The following GPR15LG variants were observed in gnomAD, a reference collection of about 807,000 sequenced individuals.
GPR15LG encodes the protein G protein-coupled receptor 15 ligand.
chr10:84,184,883 C>T, the GPR15LG span: 4 of 1,516,554 alleles, frequency 2.6e-6, no homozygotes, highest in Non-Finnish European at 3.5e-6. Flanking sequence ...TGTTGGAGGG[C>T]TTCATCTCGG....
chr10:84,184,052 G>A, the GPR15LG span, among the ~76,000 whole-genome samples: 2 of 151,672 alleles, frequency 1.3e-5, no homozygotes, highest in East Asian at 3.9e-4. Flanking sequence ...AGGCATGGTG[G>A]CTCATGCCTG....
the GPR15LG span, among the ~76,000 whole-genome samples, chr10:84,178,658 C>T: frequency 2.6e-5 from 4 of 151,782 alleles, no homozygotes; most frequent in Non-Finnish European, 5.9e-5. Flanking sequence ...AGATATACAC[C>T]CAAGCACACA....
chr10:84,177,770 G>A, the GPR15LG span, among the ~76,000 whole-genome samples: 8 of 152,202 alleles, frequency 5.3e-5, no homozygotes, highest in African/African-American at 1.7e-4. Flanking sequence ...CGCAGGCTGT[G>A]GCTCTGCTCC....
At chr10:84,182,041 T>G in the GPR15LG span, among the ~76,000 whole-genome samples, 1 of 152,336 alleles carries the variant, frequency 6.6e-6, no homozygotes, top group South Asian at 2.1e-4. Flanking sequence ...GCAAAATGGC[T>G]GAGCCCATAG....
chr10:84,175,108 T>C, the GPR15LG span, among the ~76,000 whole-genome samples: 4 of 152,230 alleles, frequency 2.6e-5, no homozygotes, highest in Non-Finnish European at 4.4e-5. Context: ...ATGCTTATGA[T>C]TGAAGATATT....
the GPR15LG span, chr10:84,173,993 T>C: frequency 5.7e-6 from 7 of 1,234,496 alleles, no homozygotes; most frequent in Admixed American, 1.7e-5. Flanking sequence ...TCAGGATTTG[T>C]TGGAGGGCAG....
the GPR15LG span, among the ~76,000 whole-genome samples, chr10:84,177,815 C>A: frequency 1.3e-5 from 2 of 152,178 alleles, no homozygotes; most frequent in African/African-American, 4.8e-5. Context: ...AAGGTGAAAA[C>A]CTTCCAGAGA....
the GPR15LG span, among the ~76,000 whole-genome samples, chr10:84,182,647 AG>A: frequency 6.6e-6 from 1 of 152,238 alleles, no homozygotes; most frequent in Non-Finnish European, 1.5e-5. Context: ...CTTGAGGTAC[AG>A]GCTCTGAGCT....
chr10:84,176,404 T>C, the GPR15LG span: 245,219 of 1,017,054 alleles, frequency 0.24, 31,800 homozygotes, highest in Non-Finnish European at 0.27. Context: ...TCCTGAGCCC[T>C]GTGCCTTGGA....
the GPR15LG span, among the ~76,000 whole-genome samples, chr10:84,177,481 T>C: frequency 2.6e-5 from 4 of 152,216 alleles, no homozygotes; most frequent in Non-Finnish European, 4.4e-5. Flanking sequence ...CGGCCCCACT[T>C]GCTCCTCTGC....
At chr10:84,177,478 A>G in the GPR15LG span, among the ~76,000 whole-genome samples, 2 of 152,174 alleles carry the variant, frequency 1.3e-5, no homozygotes, top group African/African-American at 2.4e-5. Flanking sequence ...TCCCGGCCCC[A>G]CTTGCTCCTC....
At chr10:84,174,769 C>A in the GPR15LG span, among the ~76,000 whole-genome samples, 1 of 152,272 alleles carries the variant, frequency 6.6e-6, no homozygotes, top group African/African-American at 2.4e-5. Flanking sequence ...GGATTACAGG[C>A]GTGAGCCACC....
At chr10:84,185,139 T>G in the GPR15LG span, 1 of 1,027,588 alleles carries the variant, frequency 9.7e-7, no homozygotes, top group Non-Finnish European at 1.2e-6. Context: ...CTGCAGAGTC[T>G]CCTCCATCTT....
the GPR15LG span, chr10:84,173,864 G>A: frequency 6.2e-7 from 1 of 1,613,672 alleles, no homozygotes; most frequent in Non-Finnish European, 8.5e-7. Flanking sequence ...GAGGCTTCTA[G>A]TCCTTTCCAG....
the GPR15LG span, among the ~76,000 whole-genome samples, chr10:84,182,777 G>A: frequency 4.6e-5 from 7 of 152,102 alleles, no homozygotes; most frequent in African/African-American, 1.7e-4. Flanking sequence ...AAGGAGAGAG[G>A]GAGAATTGCA....
chr10:84,173,845 T>C, the GPR15LG span: 3 of 1,610,104 alleles, frequency 1.9e-6, no homozygotes, highest in Non-Finnish European at 2.6e-6. Context: ...AAATCTGCCT[T>C]CTCACCATGA....
chr10:84,175,574 G>T, the GPR15LG span, among the ~76,000 whole-genome samples: 1 of 152,206 alleles, frequency 6.6e-6, no homozygotes, highest in Non-Finnish European at 1.5e-5. Flanking sequence ...GCATGACCAC[G>T]GCTCAGTGCA....
the GPR15LG span, among the ~76,000 whole-genome samples, chr10:84,177,710 C>T: frequency 6.6e-6 from 1 of 152,180 alleles, no homozygotes; most frequent in African/African-American, 2.4e-5. Context: ...TCTCACACAC[C>T]TCTTGCTGAA....
chr10:84,174,494 CTTTTTTTT>C, the GPR15LG span, among the ~76,000 whole-genome samples: 3 of 98,738 alleles, frequency 3.0e-5, no homozygotes, highest in Non-Finnish European at 6.0e-5. Flanking sequence ...TTTCTTTTTT[CTTTTTTTT>C]TTTTTTTTTG....
Sources: gnomAD v4.1 joint callset for allele counts (sites outside exome capture counted in the v4.1 genomes callset) on GRCh38, gnomAD v4.1.1 for gene constraint, MANE v1.5 for transcripts, NCBI Gene and HGNC (gene_info 2026-07-23, HGNC 2026-07-21) for gene names.